CD2AP: variants seen among roughly 807,000 people sequenced by gnomAD.
CD2AP encodes the protein CD2 associated protein, also known as CD2-associated protein.
Under a neutral mutation model 85.1 loss-of-function variants are expected in CD2AP, and 46 were observed. The observed-to-expected ratio is 0.54, with a 90% CI of 0.43 to 0.69. The LOEUF (loss-of-function observed/expected upper bound fraction) is 0.69. Among genes scored for constraint, CD2AP ranks in the 30% least tolerant of loss-of-function variants. The probability of loss-of-function intolerance (pLI) is 0.00; values close to 1 mark genes in which losing one functional copy is unlikely to be tolerated. For missense variants in CD2AP, 769 were observed against 729.5 expected, an observed-to-expected ratio of 1.05 and a Z score of -0.62; for synonymous variants, 255 against 252.9, an observed-to-expected ratio of 1.01 and a Z score of -0.08.
intron 2 of CD2AP, among the ~76,000 whole-genome samples, chr6:47,532,812 T>C (rs1026403195): frequency 1.3e-4 from 20 of 152,362 alleles, no homozygotes; most frequent in South Asian, 4.1e-4. Flanking sequence ...TGCATTGATA[T>C]ATTACATCAA....
rs764430418 is a variant in CD2AP, at chr6:47,574,140, A to C, written c.618A>C (p.Thr206=). Residue 206 remains threonine (T), a synonymous_variant, in exon 6 of 18, where the codon ACA becomes ACC. Coordinates refer to ENST00000359314, the MANE Select transcript of CD2AP (RefSeq NM_012120.3). ...NVSETASGSV[T]QPKKIRGIGF... The stretch of plus-strand genomic sequence containing the variant: ...GTGAAACTGCATCTGGATCAGTTAC[A>C]CAGCCAAAGAAAATTCGAGGAATTG... 1 of 1,614,070 alleles carries C rather than the reference A, an allele frequency of 6.2e-7. No homozygotes were observed.
intron 8 of CD2AP, 37 bp from the exon 9 acceptor site, chr6:47,579,348 A>AAAGG: frequency 6.0e-6 from 7 of 1,167,082 alleles, no homozygotes; most frequent in South Asian, 1.3e-5. Context: ...AAAAAAAAAA[A>AAAGG]GGTCTATTGT....
intron 17 of CD2AP, among the ~76,000 whole-genome samples, chr6:47,617,285 C>T (rs1171233735): frequency 4.6e-5 from 7 of 152,130 alleles, no homozygotes; most frequent in African/African-American, 1.7e-4. Context: ...TTCCTTGTAA[C>T]CTAAATGTAA....
intron 5 of CD2AP, among the ~76,000 whole-genome samples, chr6:47,568,342 T>C (rs538741913): frequency 1.1e-4 from 17 of 152,340 alleles, no homozygotes; most frequent in African/African-American, 3.6e-4. Flanking sequence ...TGTGAGAGCA[T>C]CCAAATGAAG....
chr6:47,528,094 G>T (rs1283039646), intron 2 of CD2AP, among the ~76,000 whole-genome samples: 1 of 152,144 alleles, frequency 6.6e-6, no homozygotes, highest in Non-Finnish European at 1.5e-5. Context: ...ATTCTTTAAT[G>T]ACTACAGTAT....
At chr6:47,578,240 G>A (rs1439530078) in intron 8 of CD2AP, among the ~76,000 whole-genome samples, 4 of 152,060 alleles carry the variant, frequency 2.6e-5, no homozygotes, top group South Asian at 2.1e-4. Context: ...TAGCTTTGTC[G>A]CCCAGGCTGG....
chr6:47,589,477 T>C (rs1176196702), intron 11 of CD2AP, among the ~76,000 whole-genome samples: 1 of 147,768 alleles, frequency 6.8e-6, no homozygotes, highest in African/African-American at 2.5e-5. Flanking sequence ...CACACACATA[T>C]ACACATATGT....
intron 2 of CD2AP, 116 bp downstream of exon 2, chr6:47,503,556 C>A: frequency 1.0e-6 from 1 of 979,656 alleles, no homozygotes; most frequent in Non-Finnish European, 1.6e-6. Flanking sequence ...TTCTTTGTAA[C>A]ATTTAAGAAA....
At chr6:47,601,962 A>G (rs1264075875) in intron 13 of CD2AP, among the ~76,000 whole-genome samples, 2 of 151,972 alleles carry the variant, frequency 1.3e-5, no homozygotes, top group Non-Finnish European at 2.9e-5. Flanking sequence ...TAGTACATGT[A>G]TATGTCTGCT....
chr6:47,610,971 A>ATATATATATATATATATATATTTTTT, intron 16 of CD2AP, among the ~76,000 whole-genome samples: 6 of 112,866 alleles, frequency 5.3e-5, no homozygotes, highest in African/African-American at 2.2e-4. Context: ...ATATATATGT[A>ATATATATATATATATATATATTTTTT]TTTTTTTTTT....
intron 11 of CD2AP, among the ~76,000 whole-genome samples, chr6:47,589,563 C>CATATATATATATATATATAT (rs1346907208): frequency 2.1e-5 from 1 of 46,596 alleles, no homozygotes; most frequent in Non-Finnish European, 6.4e-5. Flanking sequence ...CACACACACA[C>CATATATATATATATATATAT]ACATATATAT....
chr6:47,545,699 G>A (rs886945347), intron 4 of CD2AP, among the ~76,000 whole-genome samples: 5 of 152,170 alleles, frequency 3.3e-5, no homozygotes, highest in African/African-American at 1.2e-4. Context: ...ACGGGACTCT[G>A]TGCAGACAAC....
intron 2 of CD2AP, among the ~76,000 whole-genome samples, chr6:47,533,330 T>C (rs541819781): frequency 2.0e-5 from 3 of 152,288 alleles, no homozygotes; most frequent in African/African-American, 7.2e-5. Flanking sequence ...TCTCAGTGTT[T>C]CTTTGTAGTT....
intron 5 of CD2AP, among the ~76,000 whole-genome samples, chr6:47,569,584 G>A (rs548295185): frequency 1.3e-5 from 2 of 151,580 alleles, no homozygotes; most frequent in East Asian, 3.9e-4. Flanking sequence ...AAACCCTGAT[G>A]GATTGTTCTT....
intron 2 of CD2AP, among the ~76,000 whole-genome samples, chr6:47,509,091 G>A (rs1766252781): frequency 6.6e-6 from 1 of 152,104 alleles, no homozygotes; most frequent in Non-Finnish European, 1.5e-5. Context: ...GGCTGTTGTA[G>A]GGTTATTAAT....
intron 17 of CD2AP, among the ~76,000 whole-genome samples, chr6:47,616,017 T>C (rs529311181): frequency 6.7e-5 from 10 of 148,926 alleles, no homozygotes; most frequent in Non-Finnish European, 1.3e-4. Context: ...ACTCCTGACC[T>C]TGTGATTCGC....
intron 5 of CD2AP, among the ~76,000 whole-genome samples, chr6:47,560,410 A>G (rs981674759): frequency 1.3e-5 from 2 of 151,878 alleles, no homozygotes; most frequent in Non-Finnish European, 2.9e-5. Context: ...TTTTCCTCCC[A>G]GTCCTGAAAA....
rs181065343 is a variant in CD2AP, at chr6:47,616,074, C to T, written c.1878+3538C>T. On this transcript the variant is annotated intron_variant, in intron 17 of 17. Transcript: ENST00000359314. ...CTGGAATTGCAGGCATGAGCCACTG[C>T]GCCTGGCCTTTTTTTTTTTTTTTTT... is the stretch of plus-strand genomic sequence containing the variant. Among the ~76,000 whole-genome samples, 613 of 115,848 alleles carry T rather than the reference C, an allele frequency of 5.3e-3. 5 individuals are homozygous for T. Among genetic ancestry groups the T allele is most frequent in the African/African-American group, 0.02 (584 of 29,366 alleles). 76.0% of individuals were successfully genotyped at this position (115,848 alleles called of 152,430 possible).
At chr6:47,559,311 G>C (rs888257209) in intron 5 of CD2AP, among the ~76,000 whole-genome samples, 1 of 148,276 alleles carries the variant, frequency 6.7e-6, no homozygotes, top group African/African-American at 2.5e-5. Context: ...CGAGCCTGGT[G>C]TGCAGTAGCA....
Sources: allele counts gnomAD v4.1 joint callset (sites outside exome capture counted in the v4.1 genomes callset), GRCh38; gene constraint gnomAD v4.1.1; transcripts MANE v1.5; gene names NCBI Gene and HGNC (gene_info 2026-07-23, HGNC 2026-07-21).